The following POU6F2 variants were observed in gnomAD, a reference collection of about 807,000 sequenced individuals.
POU6F2 encodes the protein POU class 6 homeobox 2.
In POU6F2, 31 loss-of-function variants were observed where a neutral mutation model predicts 71.3. That is an observed-to-expected ratio of 0.43 (90% confidence interval 0.33 to 0.59). POU6F2 has a LOEUF of 0.59. Ranked by LOEUF, POU6F2 falls within the 20% of genes least tolerant of loss-of-function variation. The probability of loss-of-function intolerance (pLI) is 0.04; values close to 1 mark genes in which losing one functional copy is unlikely to be tolerated. For synonymous variants in POU6F2, 347 were observed against 355.7 expected, an observed-to-expected ratio of 0.98 and a Z score of 0.27; for missense variants, 783 against 856.8, an observed-to-expected ratio of 0.91 and a Z score of 1.07.
At chr7:39,205,539 A>T (rs758639558) in intron 3 of POU6F2, among the ~76,000 whole-genome samples, 1 of 152,186 alleles carries the variant, frequency 6.6e-6, no homozygotes, top group Non-Finnish European at 1.5e-5. Flanking sequence ...ATATGGTCTG[A>T]GAGCTACTTA....
chr7:39,290,967 C>T (rs1239623720), intron 4 of POU6F2, among the ~76,000 whole-genome samples: 1 of 148,348 alleles, frequency 6.7e-6, no homozygotes, highest in Non-Finnish European at 1.5e-5. Context: ...ATTTATCAAG[C>T]CCCTTTGGTC....
At chr7:39,363,554 C>T (rs116770356) in intron 5 of POU6F2, among the ~76,000 whole-genome samples, 2,619 of 150,854 alleles carry the variant, frequency 0.017, 90 homozygotes, top group African/African-American at 0.058. Context: ...GATAAGATTA[C>T]TTTGAGAGCG....
chr7:39,050,227 C>T (rs2128713739), intron 1 of POU6F2, among the ~76,000 whole-genome samples: 1 of 152,048 alleles, frequency 6.6e-6, no homozygotes, highest in African/African-American at 2.4e-5. Context: ...TTAAGGCTGA[C>T]TTCTTAGGAG....
At chr7:39,176,440 C>A (rs1278945787) in intron 2 of POU6F2, among the ~76,000 whole-genome samples, 1 of 152,204 alleles carries the variant, frequency 6.6e-6, no homozygotes, top group South Asian at 2.1e-4. Flanking sequence ...TGGATGGTTA[C>A]TCAATGCCCT....
At chr7:39,004,195 G>A (rs1409322015) in intron 1 of POU6F2, among the ~76,000 whole-genome samples, 1 of 152,036 alleles carries the variant, frequency 6.6e-6, no homozygotes, top group Non-Finnish European at 1.5e-5. Context: ...ACAAATAAGA[G>A]CCTCCAATTT....
intron 1 of POU6F2, among the ~76,000 whole-genome samples, chr7:39,030,659 A>G (rs1437296958): frequency 6.6e-6 from 1 of 150,712 alleles, no homozygotes; most frequent in Non-Finnish European, 1.5e-5. Flanking sequence ...TGCAATAAAC[A>G]TTAGTTTTTG....
rs576664139 is a variant in POU6F2, at chr7:39,053,873, C to T, written c.106-31987C>T. 1.1e-4 allele frequency among the ~76,000 whole-genome samples: 17 copies of T among 152,130 alleles called. No homozygotes were observed. In the South Asian group the frequency reaches 3.3e-3, roughly 30 times the overall value. ...ATCCGAGCACTTTGGGAGGCAAAGG[C>T]GGGCAGATCACTTGAGGTCAGGAGT... is the stretch of plus-strand genomic sequence containing the variant. On this transcript the variant is annotated intron_variant, in intron 1 of 9. Transcript: ENST00000518318.
At chr7:39,027,591 T>C (rs1789841173) in intron 1 of POU6F2, among the ~76,000 whole-genome samples, 1 of 152,228 alleles carries the variant, frequency 6.6e-6, no homozygotes, top group Non-Finnish European at 1.5e-5. Flanking sequence ...TGACTTTCAA[T>C]TTCAAGGAGT....
chr7:39,301,918 T>G (rs1262477703), intron 4 of POU6F2, among the ~76,000 whole-genome samples: 1 of 151,944 alleles, frequency 6.6e-6, no homozygotes, highest in Non-Finnish European at 1.5e-5. Context: ...TATAGTTTCC[T>G]CCAAGTCTAC....
At chr7:39,237,537 G>A (rs1229564896) in intron 4 of POU6F2, among the ~76,000 whole-genome samples, 5 of 152,138 alleles carry the variant, frequency 3.3e-5, no homozygotes, top group Non-Finnish European at 7.3e-5. Flanking sequence ...TTATGGTCCA[G>A]GAAGTACTTT....
intron 5 of POU6F2, among the ~76,000 whole-genome samples, chr7:39,386,886 G>C (rs1172790188): frequency 6.6e-6 from 1 of 152,180 alleles, no homozygotes; most frequent in Non-Finnish European, 1.5e-5. Flanking sequence ...GGAGATGATG[G>C]TAATAGTCAA....
intron 1 of POU6F2, among the ~76,000 whole-genome samples, chr7:38,999,555 G>C (rs945501587): frequency 2.6e-5 from 4 of 152,048 alleles, no homozygotes; most frequent in Admixed American, 6.5e-5. Flanking sequence ...TGTTGTTGTG[G>C]GAACCATAGG....
At position 39,340,005 on chromosome 7, in the gene POU6F2, A is replaced by G. The variant is rs750578315; in HGVS notation, c.962A>G (p.Asn321Ser). Residue 321 changes from asparagine (N) to serine (S), a missense_variant, in exon 5 of 10, where the codon AAT becomes AGT. By Grantham distance (46) the Asn-to-Ser change is conservative. Coordinates refer to ENST00000518318, the MANE Select transcript of POU6F2 (RefSeq NM_001370959.1). ...HGLPSPLTPP[N>S]PLQLVNNPLA... is the part of the protein sequence containing the mutation. ...CTGCCTTCACCGCTCACGCCACCCA[A>G]TCCTCTACAGGTATGCTCCCCGTGC... The G allele has an allele frequency of 1.5e-5, 24 of 1,608,838 alleles. No homozygotes were observed. The highest frequency in any genetic ancestry group is 4.5e-5 in the East Asian group (2 of 44,766).
intron 5 of POU6F2, among the ~76,000 whole-genome samples, chr7:39,366,134 C>T (rs750692127): frequency 7.9e-5 from 12 of 152,120 alleles, no homozygotes; most frequent in Non-Finnish European, 1.8e-4. Context: ...CCAGTTGTTT[C>T]ACCATTGGAG....
intron 2 of POU6F2, among the ~76,000 whole-genome samples, chr7:39,170,651 A>G (rs1279681331): frequency 6.6e-6 from 1 of 152,132 alleles, no homozygotes; most frequent in East Asian, 1.9e-4. Context: ...TCTGGAACAA[A>G]AATCAGAATT....
At chr7:39,364,448 C>G (rs1786456712) in intron 5 of POU6F2, among the ~76,000 whole-genome samples, 1 of 152,036 alleles carries the variant, frequency 6.6e-6, no homozygotes, top group Admixed American at 6.6e-5. Flanking sequence ...CCCCACAGTC[C>G]ATTGTATCAT....
At chr7:39,129,767 TA>T (rs1792220726) in intron 2 of POU6F2, among the ~76,000 whole-genome samples, 2 of 152,030 alleles carry the variant, frequency 1.3e-5, no homozygotes, top group Non-Finnish European at 2.9e-5. Flanking sequence ...TATAATTATT[TA>T]AAAAATTTTT....
chr7:39,207,692 A>T, intron 4 of POU6F2, 72 bp downstream of exon 4: 1 of 1,398,702 alleles, frequency 7.1e-7, no homozygotes, highest in Non-Finnish European at 9.8e-7. Context: ...GGGCAAAAAA[A>T]AATGTGCCTA....
chr7:39,168,510 T>C (rs1793157290), intron 2 of POU6F2, among the ~76,000 whole-genome samples: 2 of 152,138 alleles, frequency 1.3e-5, no homozygotes, highest in Admixed American at 1.3e-4. Context: ...GTAATCAAAG[T>C]GAGAGGCTTA....
Sources: allele counts gnomAD v4.1 joint callset (sites outside exome capture counted in the v4.1 genomes callset), GRCh38; gene constraint gnomAD v4.1.1; transcripts MANE v1.5; gene names NCBI Gene and HGNC (gene_info 2026-07-23, HGNC 2026-07-21).